SYN3: variants seen among roughly 807,000 people sequenced by gnomAD.
SYN3 encodes synapsin-3.
SYN3 carries 35 observed loss-of-function variants against 65.8 expected under a neutral mutation model. The ratio of observed to expected loss-of-function variants is 0.53; its 90% CI spans 0.41 to 0.70. SYN3 has a LOEUF of 0.70. SYN3 is among the 30% of genes least tolerant of loss of function. The pLI is 0.00. For synonymous variants in SYN3, 270 were observed against 292.9 expected, an observed-to-expected ratio of 0.92 and a Z score of 0.80; for missense variants, 680 against 749.0, an observed-to-expected ratio of 0.91 and a Z score of 1.08.
chr22:32,831,776 C>T (rs2047580994), intron 6 of SYN3, among the ~76,000 whole-genome samples: 1 of 152,010 alleles, frequency 6.6e-6, no homozygotes, highest in Admixed American at 6.6e-5. Context: ...TGAAGTTATC[C>T]CAGGTTTATT....
intron 3 of SYN3, among the ~76,000 whole-genome samples, chr22:32,937,889 G>A (rs1018614057): frequency 7.9e-5 from 12 of 151,924 alleles, no homozygotes; most frequent in African/African-American, 2.9e-4. Context: ...GTGAGTTATG[G>A]GATAATATTA....
chr22:32,977,707 G>A (rs998208335), intron 3 of SYN3, among the ~76,000 whole-genome samples: 1 of 146,194 alleles, frequency 6.8e-6, no homozygotes, highest in Non-Finnish European at 1.5e-5. Context: ...TTGCGCCACT[G>A]CACTCCAGCC....
At chr22:32,742,376 T>C (rs984852988) in intron 6 of SYN3, among the ~76,000 whole-genome samples, 2 of 152,156 alleles carry the variant, frequency 1.3e-5, no homozygotes, top group East Asian at 1.9e-4. Flanking sequence ...TGGATTCTTA[T>C]AGGATCTCAT....
At chr22:32,891,736 A>G (rs2049453001) in intron 4 of SYN3, among the ~76,000 whole-genome samples, 1 of 152,112 alleles carries the variant, frequency 6.6e-6, no homozygotes, top group Non-Finnish European at 1.5e-5. Context: ...GGCAGGCAGC[A>G]GGTGCTCAAT....
intron 6 of SYN3, among the ~76,000 whole-genome samples, chr22:32,738,391 A>G (rs893836809): frequency 2.6e-5 from 4 of 152,240 alleles, no homozygotes; most frequent in Admixed American, 1.3e-4. Context: ...CAAGAAACAC[A>G]GCGTTCAAAG....
intron 6 of SYN3, among the ~76,000 whole-genome samples, chr22:32,799,379 A>G (rs1323094873): frequency 6.6e-6 from 1 of 152,238 alleles, no homozygotes; most frequent in Non-Finnish European, 1.5e-5. Flanking sequence ...GCTGGAAAAA[A>G]GATCAGATTA....
intron 7 of SYN3, among the ~76,000 whole-genome samples, chr22:32,549,243 G>A (rs534751111): frequency 1.3e-5 from 2 of 151,966 alleles, no homozygotes; most frequent in African/African-American, 2.4e-5. Flanking sequence ...GAATAATGAG[G>A]ATAACATGCA....
At chr22:32,562,892 C>G (rs542142836) in intron 7 of SYN3, among the ~76,000 whole-genome samples, 11 of 152,252 alleles carry the variant, frequency 7.2e-5, no homozygotes, top group Non-Finnish European at 1.0e-4. Flanking sequence ...CAGGATCAAC[C>G]AGGACAAGGG....
intron 4 of SYN3, among the ~76,000 whole-genome samples, chr22:32,917,933 C>T (rs1042088173): frequency 3.9e-5 from 6 of 152,204 alleles, no homozygotes; most frequent in Non-Finnish European, 8.8e-5. Context: ...GGGCAGAGGC[C>T]CTGGGTGAAG....
At chr22:32,653,089 A>G (rs1219288742) in intron 6 of SYN3, among the ~76,000 whole-genome samples, 3 of 152,180 alleles carry the variant, frequency 2.0e-5, no homozygotes, top group African/African-American at 7.2e-5. Context: ...ATCTATACAC[A>G]GGCACATGCA....
chr22:32,858,571 A>G (rs1467832701), intron 6 of SYN3, among the ~76,000 whole-genome samples: 1 of 152,204 alleles, frequency 6.6e-6, no homozygotes, highest in Non-Finnish European at 1.5e-5. Flanking sequence ...CAGATGCTAC[A>G]GAAGGTCTCT....
intron 6 of SYN3, among the ~76,000 whole-genome samples, chr22:32,748,312 C>G (rs5754246): frequency 0.45 from 68,095 of 151,986 alleles, 15,509 homozygotes; most frequent in Non-Finnish European, 0.5. Flanking sequence ...TGGGGTCAGA[C>G]AGATCTGGTT....
intron 8 of SYN3, among the ~76,000 whole-genome samples, chr22:32,541,151 C>T (rs971985995): frequency 3.9e-5 from 6 of 152,124 alleles, no homozygotes; most frequent in South Asian, 2.1e-4. Context: ...TCAGAGAAAC[C>T]GTTCTGCACC....
At chr22:32,807,974 T>G (rs2046811758) in intron 6 of SYN3, among the ~76,000 whole-genome samples, 2 of 151,788 alleles carry the variant, frequency 1.3e-5, no homozygotes, top group African/African-American at 2.4e-5. Flanking sequence ...TTACTGAGTG[T>G]TTTTTTTCCT....
At chr22:32,565,171 GGACTGCACCCAAACAGTGC>G (rs1569043579) in intron 7 of SYN3, among the ~76,000 whole-genome samples, 4 of 139,100 alleles carry the variant, frequency 2.9e-5, no homozygotes, top group African/African-American at 1.1e-4. Flanking sequence ...CAGTGCTCTC[GGACTGCACCCAAACAGTGC>G]TCTCGGACTG....
chr22:32,694,894 C>T (rs2060715218), intron 6 of SYN3, among the ~76,000 whole-genome samples: 1 of 152,192 alleles, frequency 6.6e-6, no homozygotes, highest in South Asian at 2.1e-4. Flanking sequence ...TGAAAGTCAA[C>T]CAGACTGGCT....
chr22:32,841,626 G>A (rs78278186), intron 6 of SYN3, among the ~76,000 whole-genome samples: 1,655 of 152,044 alleles, frequency 0.011, 29 homozygotes, highest in African/African-American at 0.037. Context: ...TGTAGACTCT[G>A]GGATATATAA....
chr22:32,541,420 C>T, intron 8 of SYN3, 151 bp downstream of exon 8: 2 of 969,316 alleles, frequency 2.1e-6, no homozygotes, highest in Non-Finnish European at 3.0e-6. Flanking sequence ...TGGACATCAG[C>T]CCCTCAGCCA....
intron 1 of SYN3, among the ~76,000 whole-genome samples, chr22:33,052,447 C>T (rs78408950): frequency 0.074 from 11,278 of 152,100 alleles, 635 homozygotes; most frequent in East Asian, 0.27. Flanking sequence ...CGTAGTACTA[C>T]GGACACATGT....
Sources: gnomAD v4.1 joint callset for allele counts (sites outside exome capture counted in the v4.1 genomes callset) on GRCh38, gnomAD v4.1.1 for gene constraint, MANE v1.5 for transcripts, NCBI Gene and HGNC (gene_info 2026-07-23, HGNC 2026-07-21) for gene names.